ZMYM2: variants seen among roughly 807,000 people sequenced by gnomAD.
The protein encoded by ZMYM2 is zinc finger MYM-type containing 2, also known as zinc finger MYM-type protein 2.
ZMYM2 carries 56 observed loss-of-function variants against 162.8 expected under a neutral mutation model. The ratio of observed to expected loss-of-function variants is 0.34; its 90% CI spans 0.28 to 0.43. ZMYM2 has a LOEUF of 0.43. ZMYM2 is among the 20% of genes least tolerant of loss of function. The pLI is 1.00. For synonymous variants in ZMYM2, 510 were observed against 541.6 expected (o/e 0.94, Z 0.81); for missense variants, 1,275 against 1,621.8 (o/e 0.79, Z 3.67).
At chr13:20,061,945 C>G (rs1245585203) in intron 17 of ZMYM2, among the ~76,000 whole-genome samples, 1 of 151,720 alleles carries the variant, frequency 6.6e-6, no homozygotes, top group Admixed American at 6.6e-5. Flanking sequence ...CAGAGTTTAT[C>G]TTAACCTCTG....
chr13:20,032,616 T>TC (rs1469459309), intron 10 of ZMYM2, among the ~76,000 whole-genome samples: 2 of 133,742 alleles, frequency 1.5e-5, no homozygotes, highest in Non-Finnish European at 3.3e-5. Flanking sequence ...TTTTTTTTTT[T>TC]TTTTTTTTTT....
intron 19 of ZMYM2, 91 bp downstream of exon 19, chr13:20,064,636 A>G: frequency 1.0e-6 from 1 of 960,632 alleles, no homozygotes. Flanking sequence ...ATATGGGAAC[A>G]TATTTTGTTT....
chr13:19,974,469 A>G (rs1292733149), intron 2 of ZMYM2, among the ~76,000 whole-genome samples: 1 of 146,998 alleles, frequency 6.8e-6, no homozygotes, highest in African/African-American at 2.5e-5. Context: ...TACCATGAAT[A>G]TCCTTCTACT....
chr13:20,019,401 A>G (rs552968443), intron 6 of ZMYM2, 146 bp from the exon 7 acceptor site: 2 of 618,902 alleles, frequency 3.2e-6, no homozygotes, highest in South Asian at 4.7e-5. Context: ...TGGGGACAGG[A>G]CAGGCAGACA....
intron 2 of ZMYM2, among the ~76,000 whole-genome samples, chr13:19,985,944 A>G (rs1949097803): frequency 1.3e-5 from 2 of 152,100 alleles, no homozygotes; most frequent in South Asian, 4.1e-4. Flanking sequence ...CCAGCTACTC[A>G]GGAGGTTGAG....
chr13:20,044,056 TC>T (rs1271360630), intron 12 of ZMYM2, among the ~76,000 whole-genome samples: 1 of 152,080 alleles, frequency 6.6e-6, no homozygotes, highest in East Asian at 1.9e-4. Context: ...ACTGGCCTCT[TC>T]TTATGGGCAA....
the ZMYM2 span, among the ~76,000 whole-genome samples, chr13:19,898,468 C>G: frequency 4.6e-5 from 7 of 150,812 alleles, no homozygotes. Context: ...CTCCTGACCT[C>G]GTGATCCACC....
chr13:19,969,642 T>C (rs895925138), intron 2 of ZMYM2, among the ~76,000 whole-genome samples: 2 of 152,192 alleles, frequency 1.3e-5, no homozygotes, highest in African/African-American at 4.8e-5. Context: ...GACTGCTTTC[T>C]TTAGTTAAGA....
intron 2 of ZMYM2, among the ~76,000 whole-genome samples, chr13:19,983,958 A>G (rs1222802578): frequency 6.6e-6 from 1 of 152,170 alleles, no homozygotes; most frequent in Non-Finnish European, 1.5e-5. Context: ...TTTTAAATCT[A>G]TCATATTAAC....
intron 2 of ZMYM2, among the ~76,000 whole-genome samples, chr13:19,962,668 G>A (rs1955374104): frequency 6.6e-6 from 1 of 150,672 alleles, no homozygotes; most frequent in African/African-American, 2.4e-5. Flanking sequence ...GGGATTACAG[G>A]CATGCGCCAC....
Position 20,046,564 on chromosome 13 carries a change from A to AAAAAT in ZMYM2, c.2293-4868_2293-4867insAAATA, listed in dbSNP as rs766574183. Among the ~76,000 whole-genome samples the AAAAAT allele has an allele frequency of 1.8e-4, 19 of 103,864 alleles. No individual in the cohort carries two copies. The South Asian group carries it at 2.6e-3, about 14-fold the overall frequency. The allele number at this position is 103,864 out of a possible 152,430, so 68.1% of individuals were successfully genotyped here. On this transcript the variant is annotated intron_variant, in intron 12 of 24. Transcript: ENST00000610343. ...GTAAGACTTTGTCTCTAAAAAAAAA[A>AAAAAT]ATATATATATATATATATGTGTGTG... is the stretch of plus-strand genomic sequence containing the variant.
At chr13:20,017,346 C>T (rs1247128374) in intron 6 of ZMYM2, among the ~76,000 whole-genome samples, 1 of 152,132 alleles carries the variant, frequency 6.6e-6, no homozygotes, top group African/African-American at 2.4e-5. Context: ...CTCTAGGCTG[C>T]TATTTCAACT....
At chr13:20,049,449 C>T (rs1417289688) in intron 12 of ZMYM2, among the ~76,000 whole-genome samples, 1 of 151,934 alleles carries the variant, frequency 6.6e-6, no homozygotes, top group African/African-American at 2.4e-5. Flanking sequence ...GGAAATACTA[C>T]TACTAAGAGT....
chr13:19,961,550 A>G (rs950234823), intron 2 of ZMYM2, among the ~76,000 whole-genome samples: 8 of 152,188 alleles, frequency 5.3e-5, no homozygotes, highest in African/African-American at 1.9e-4. Context: ...ATTTTCACAA[A>G]AGATTTATCT....
chr13:19,870,383 C>A, the ZMYM2 span, among the ~76,000 whole-genome samples: 1 of 151,778 alleles, frequency 6.6e-6, no homozygotes, highest in South Asian at 2.1e-4. Context: ...AGCAATCCAC[C>A]TGCCTTGGCT....
At chr13:19,951,257 G>A in the ZMYM2 span, among the ~76,000 whole-genome samples, 6 of 152,036 alleles carry the variant, frequency 3.9e-5, no homozygotes, top group South Asian at 8.3e-4. Context: ...CTTCTGTATC[G>A]TAAAGGAAAC....
chr13:19,947,146 AT>A, the ZMYM2 span, among the ~76,000 whole-genome samples: 1 of 151,816 alleles, frequency 6.6e-6, no homozygotes, highest in African/African-American at 2.4e-5. Context: ...GGTTCACGCC[AT>A]TCTCCTGCCT....
At chr13:19,882,336 C>T in the ZMYM2 span, among the ~76,000 whole-genome samples, 2 of 152,120 alleles carry the variant, frequency 1.3e-5, no homozygotes, top group East Asian at 3.8e-4. Flanking sequence ...GACAAAAAGG[C>T]AAACAACTCA....
At chr13:20,076,044 A>G (rs1025630410) in intron 21 of ZMYM2, among the ~76,000 whole-genome samples, 2 of 142,470 alleles carry the variant, frequency 1.4e-5, no homozygotes, top group African/African-American at 3.1e-5. Flanking sequence ...CTAGATGTGT[A>G]TATTTCTGTT....
Sources: gnomAD v4.1 joint callset for allele counts (sites outside exome capture counted in the v4.1 genomes callset) on GRCh38, gnomAD v4.1.1 for gene constraint, MANE v1.5 for transcripts, NCBI Gene and HGNC (gene_info 2026-07-23, HGNC 2026-07-21) for gene names.